DHRS9: variants seen among roughly 807,000 people sequenced by gnomAD.
DHRS9 encodes dehydrogenase/reductase 9, also known as dehydrogenase/reductase SDR family member 9.
DHRS9 carries 18 observed loss-of-function variants against 26.6 expected under a neutral mutation model. That is an observed-to-expected ratio of 0.68 (90% CI 0.47 to 1.00). The LOEUF is 1.00. DHRS9 is among the 50% of genes least tolerant of loss of function. DHRS9 has a pLI of 0.00. For missense variants in DHRS9, 425 were observed against 378.7 expected (o/e 1.12, Z -1.01); for synonymous variants, 134 against 141.1 (o/e 0.95, Z 0.36).
chr2:169,071,787 A>G (rs945611322), intron 1 of DHRS9, among the ~76,000 whole-genome samples: 21 of 152,332 alleles, frequency 1.4e-4, no homozygotes, highest in African/African-American at 4.8e-4. Flanking sequence ...AATAATTATT[A>G]TAATTGTTAT....
Position 169,077,346 on chromosome 2 carries a change from C to T in DHRS9, c.-59-4177C>T, listed in dbSNP as rs1413478607. Reference sequence around the variant, plus strand: ...ACTTGAAGTGAAATACATAGTATTACAAAAGAAAACTACTGTATTGAAATA... The same window carrying T: ...ACTTGAAGTGAAATACATAGTATTATAAAAGAAAACTACTGTATTGAAATA... On this transcript the variant is annotated intron_variant, in intron 1 of 4. Transcript: ENST00000674881. Among the ~76,000 whole-genome samples the T allele has an allele frequency of 3.9e-5, 6 of 151,954 alleles. No individual in the cohort carries two copies. The East Asian group carries it at 9.6e-4, about 24-fold the overall frequency.
rs1334875902 is a variant in DHRS9 at position 169,095,679 on chromosome 2, G to T, written c.872G>T (p.Trp291Leu). The T allele has an allele frequency of 6.2e-7, 1 of 1,613,900 alleles. No homozygotes were observed. ...YAAGKDAKIF[W>L]IPLSHMPAAL... Reference sequence around the variant, plus strand: ...GCTGGAAAAGATGCCAAAATTTTCTGGATACCTCTGTCTCACATGCCAGCA... The same window carrying T: ...GCTGGAAAAGATGCCAAAATTTTCTTGATACCTCTGTCTCACATGCCAGCA... Residue 291 changes from tryptophan to leucine, a missense_variant, in exon 5 of 5, where the codon TGG becomes TTG. Transcript: ENST00000674881.
intron 4 of DHRS9, among the ~76,000 whole-genome samples, chr2:169,093,566 C>G (rs1004110579): frequency 6.6e-6 from 1 of 152,146 alleles, no homozygotes; most frequent in African/African-American, 2.4e-5. Flanking sequence ...TTTAAAAGAG[C>G]TTTCTCTGTT....
chr2:169,073,384 A>G (rs1257196369), intron 1 of DHRS9, among the ~76,000 whole-genome samples: 2 of 152,230 alleles, frequency 1.3e-5, no homozygotes, highest in East Asian at 3.8e-4. Context: ...ATATTTATAG[A>G]TCCTAGGAAA....
rs1574041952 is a variant in DHRS9, at chr2:169,095,985, C to T, written c.*218C>T. 2 of 577,802 alleles carry T rather than the reference C, an allele frequency of 3.5e-6. No individual in the cohort carries two copies. The highest frequency in any genetic ancestry group is 5.8e-5 in the East Asian group (2 of 34,224). 35.8% of individuals were successfully genotyped at this position (577,802 alleles called of 1,614,324 possible). A position where few individuals can be genotyped will look rare whatever the true frequency, so the allele number is the denominator to read the frequency against. The stretch of plus-strand genomic sequence containing the variant: ...GGGCTGGAATGGTACATCACATAGG[C>T]AAGTCCTGCCCTGTATTTAGGCTTT... On this transcript the variant is annotated 3_prime_UTR_variant, in exon 5 of 5. Transcript: ENST00000674881.
At chr2:169,094,761 ATTCAGT>A (rs2105306616) in intron 4 of DHRS9, among the ~76,000 whole-genome samples, 1 of 152,042 alleles carries the variant, frequency 6.6e-6, no homozygotes, top group Admixed American at 6.6e-5. Flanking sequence ...ATGGTGTAAG[ATTCAGT>A]TTCATTCTTC....
At position 169,095,810 on chromosome 2, in the gene DHRS9, C is replaced by A; in HGVS notation, c.*43C>A. 6.4e-7 allele frequency: 1 copy of A among 1,557,938 alleles called. No individual in the cohort carries two copies. Among genetic ancestry groups the A allele is most frequent in the Non-Finnish European group, 8.8e-7 (1 of 1,131,894 alleles). ...GTCTCCTCCAGGCTATGAAATTGGC[C>A]GATTTCAAGAACACATCTCCTTTTC... On this transcript the variant is annotated 3_prime_UTR_variant, in exon 5 of 5. Coordinates refer to ENST00000674881, the MANE Select transcript of DHRS9 (RefSeq NM_001376924.1).
intron 2 of DHRS9, among the ~76,000 whole-genome samples, chr2:169,082,713 A>T (rs1684227754): frequency 6.6e-6 from 1 of 152,202 alleles, no homozygotes; most frequent in African/African-American, 2.4e-5. Flanking sequence ...AATGTGAAGT[A>T]GATTGATATC....
At chr2:169,085,202 T>C (rs1207229131) in intron 3 of DHRS9, among the ~76,000 whole-genome samples, 1 of 152,174 alleles carries the variant, frequency 6.6e-6, no homozygotes, top group Non-Finnish European at 1.5e-5. Context: ...ATGTGTCCAT[T>C]TTTATACCAG....
chr2:169,083,709 T>A (rs533205575), intron 3 of DHRS9, 122 bp downstream of exon 3: 199 of 1,188,414 alleles, frequency 1.7e-4, no homozygotes, highest in Admixed American at 4.5e-4. Context: ...CTAATTTTTG[T>A]GGGTACATAG....
chr2:169,081,666 G>T lies in DHRS9; in HGVS notation c.85G>T (p.Asp29Tyr), dbSNP rs1309339192. ...KGKLKIEDIT[D>Y]KYIFITGCDS... The stretch of plus-strand genomic sequence containing the variant: ...AAAACTAAAGATTGAAGACATCACT[G>T]ATAAGTACATTTTTATCACTGGATG... The change falls in exon 2 of 5, where the codon GAT becomes TAT. Residue 29 changes from aspartate (D) to tyrosine (Y), a missense_variant. By Grantham distance (160) the Asp-to-Tyr change is radical. Transcript: ENST00000674881. The T allele has an allele frequency of 1.2e-6, 2 of 1,614,060 alleles. No individual in the cohort carries two copies. Among genetic ancestry groups the T allele is most frequent in the African/African-American group, 2.7e-5 (2 of 74,898 alleles).
At chr2:169,090,882 G>T (rs529132849) in intron 3 of DHRS9, among the ~76,000 whole-genome samples, 9 of 152,264 alleles carry the variant, frequency 5.9e-5, no homozygotes, top group Admixed American at 5.9e-4. Flanking sequence ...CTGTGCAGTG[G>T]CAGTAAACCC....
In DHRS9 at chr2:169,095,719, T is replaced by C; in HGVS notation, c.912T>C (p.Phe304=). 1 of 1,613,926 alleles carries C rather than the reference T, an allele frequency of 6.2e-7. No homozygotes were observed. Among genetic ancestry groups the C allele is most frequent in the South Asian group, 1.1e-5 (1 of 91,076 alleles). Reference sequence around the variant, plus strand: ...ACATGCCAGCAGCTTTGCAAGACTTTTTATTGTTGAAACAGAAAGCAGAGC... The same window carrying C: ...ACATGCCAGCAGCTTTGCAAGACTTCTTATTGTTGAAACAGAAAGCAGAGC... ...LSHMPAALQD[F]LLLKQKAELA... The change falls in exon 5 of 5, where the codon TTT becomes TTC. Residue 304 remains phenylalanine, a synonymous_variant. Transcript: ENST00000674881.
intron 3 of DHRS9, among the ~76,000 whole-genome samples, chr2:169,090,178 A>G (rs1684477047): frequency 6.6e-6 from 1 of 152,198 alleles, no homozygotes; most frequent in Admixed American, 6.5e-5. Flanking sequence ...TTCTATATAT[A>G]GGAGGGTTTA....
At position 169,083,565 on chromosome 2, in the gene DHRS9, G is replaced by A; in HGVS notation, c.550G>A (p.Glu184Lys). ...GGYTPSKYAVEGFNDSLRRDM... is the reference protein window; with the variant it reads ...GGYTPSKYAVKGFNDSLRRDM... ...CTATACTCCATCCAAATATGCAGTGGAAGGTTTCAATGACAGCTTAAGGTA... is the reference window on the plus strand; with the variant it reads ...CTATACTCCATCCAAATATGCAGTGAAAGGTTTCAATGACAGCTTAAGGTA... The change falls in exon 3 of 5, where the codon GAA becomes AAA. Residue 184 changes from glutamate (E) to lysine (K), a missense_variant. By Grantham distance (56) the Glu-to-Lys change is moderately conservative (BLOSUM62 1). Coordinates refer to ENST00000674881, the MANE Select transcript of DHRS9 (RefSeq NM_001376924.1). 1.9e-6 allele frequency: 3 copies of A among 1,614,044 alleles called. No homozygotes were observed. Among genetic ancestry groups the A allele is most frequent in the Middle Eastern group, 1.7e-4 (1 of 6,060 alleles).
chr2:169,083,282 A>G, intron 2 of DHRS9, 47 bp from the exon 3 acceptor site: 5 of 1,590,426 alleles, frequency 3.1e-6, no homozygotes, highest in South Asian at 1.1e-5. Context: ...AAAGGTGGCA[A>G]ATAAGTACTG....
At chr2:169,074,275 A>G in intron 1 of DHRS9, 1 of 985,426 alleles carries the variant, frequency 1.0e-6, no homozygotes, top group Non-Finnish European at 1.2e-6. Flanking sequence ...GGAGGCTAAG[A>G]AAAGTTAATT....
chr2:169,091,296 T>C (rs535747617), intron 3 of DHRS9, among the ~76,000 whole-genome samples: 20 of 130,916 alleles, frequency 1.5e-4, no homozygotes, highest in South Asian at 5.0e-4. Flanking sequence ...TAAAATAAAA[T>C]AAAACTTGCT....
chr2:169,083,397 G>T lies in DHRS9; in HGVS notation c.382G>T (p.Glu128Ter). The change falls in exon 3 of 5, where the codon GAG becomes TAG. Residue 128 changes from glutamate (E) to a stop codon, truncating the protein, a stop_gained. Coordinates refer to ENST00000674881, the MANE Select transcript of DHRS9 (RefSeq NM_001376924.1). LOFTEE classifies it high-confidence loss of function. ...GGCTCCCACTGACTGGCTGACACTA[G>T]AGGACTACAGAGAACCTATTGAAGT... The part of the protein sequence containing the change: ...VLAPTDWLTL[E>*]DYREPIEVNL... The T allele has an allele frequency of 6.2e-7, 1 of 1,614,104 alleles. No individual in the cohort carries two copies. The highest frequency in any genetic ancestry group is 1.1e-5 in the South Asian group (1 of 91,080).
Sources: allele counts gnomAD v4.1 joint callset (sites outside exome capture counted in the v4.1 genomes callset), GRCh38; gene constraint gnomAD v4.1.1; transcripts MANE v1.5; gene names NCBI Gene and HGNC (gene_info 2026-07-23, HGNC 2026-07-21).